Variants in BDP1 observed in about 807,000 individuals in gnomAD.
BDP1 encodes the protein transcription factor TFIIIB component B'' homolog.
BDP1 carries 169 observed loss-of-function variants against 266.6 expected under a neutral mutation model. The observed-to-expected ratio is 0.63, with a 90% CI of 0.56 to 0.72. The LOEUF is 0.72. BDP1 is among the 30% of genes least tolerant of loss of function. The pLI is 0.00. For synonymous variants in BDP1, 1,090 were observed against 1,022.4 expected, an observed-to-expected ratio of 1.07 and a Z score of -1.26; for missense variants, 3,015 against 3,053.8, an observed-to-expected ratio of 0.99 and a Z score of 0.30.
At chr5:71,549,881 A>G (rs1580199995) in intron 34 of BDP1, among the ~76,000 whole-genome samples, 1 of 152,276 alleles carries the variant, frequency 6.6e-6, no homozygotes, top group African/African-American at 2.4e-5. Context: ...ATAAAATGAT[A>G]CCTGTTAAAA....
intron 8 of BDP1, 143 bp from the exon 9 acceptor site, chr5:71,486,341 G>C (rs1763259439): frequency 1.7e-6 from 1 of 595,720 alleles, no homozygotes; most frequent in African/African-American, 2.0e-5. Context: ...TTCTGTTGCT[G>C]AGTGGTGTTC....
At position 71,553,283 on chromosome 5, in the gene BDP1, T is replaced by A; in HGVS notation, c.7163T>A (p.Leu2388His). 6.2e-7 allele frequency: 1 copy of A among 1,613,130 alleles called. No individual in the cohort carries two copies. ...DHIPPAKKRS[L>H]TLRDDCQEYT... ...ATTCCTCCTGCCAAAAAACGTTCAC[T>A]CACTTTAAGAGATGACTGTCAAGAA... Residue 2388 changes from leucine to histidine, a missense_variant, in exon 35 of 39, where the codon CTC becomes CAC. Leu to His is a moderately conservative substitution (Grantham distance 99). Coordinates refer to ENST00000358731, the MANE Select transcript of BDP1 (RefSeq NM_018429.3).
Position 71,509,465 on chromosome 5 carries a change from C to G in BDP1, c.2373C>G (p.Ser791Arg). Residue 791 changes from serine to arginine, a missense_variant and splice_region_variant, in exon 17 of 39, where the codon AGC becomes AGG. Transcript: ENST00000358731. The part of the protein sequence containing the change: ...DEPKVLNECL[S>R]VQENNKANKL... ...TGTGTGCCCCCTTTTTTTTTTATAGCGTTCAAGAGAATAATAAGGCAAATA... is the reference window on the plus strand; with the variant it reads ...TGTGTGCCCCCTTTTTTTTTTATAGGGTTCAAGAGAATAATAAGGCAAATA... 1.9e-6 allele frequency: 3 copies of G among 1,547,076 alleles called. No individual in the cohort carries two copies. Among genetic ancestry groups the G allele is most frequent in the Non-Finnish European group, 2.6e-6 (3 of 1,155,178 alleles).
chr5:71,511,228 T>C, intron 17 of BDP1, 77 bp downstream of exon 17: 1 of 1,407,950 alleles, frequency 7.1e-7, no homozygotes, highest in Non-Finnish European at 9.7e-7. Flanking sequence ...GATTATTTTG[T>C]CCTTAAGTCC....
intron 25 of BDP1, among the ~76,000 whole-genome samples, chr5:71,526,713 G>T (rs867656270): frequency 6.8e-6 from 1 of 146,824 alleles, no homozygotes; most frequent in East Asian, 2.0e-4. Flanking sequence ...TTAAAGACGG[G>T]GTCTCAGTCT....
In BDP1 at chr5:71,458,552, CTCTTTTT is replaced by C; in HGVS notation, c.213-18_213-12del. 6.5e-7 allele frequency: 1 copy of C among 1,538,492 alleles called. No homozygotes were observed. Among genetic ancestry groups the C allele is most frequent in the Non-Finnish European group, 8.8e-7 (1 of 1,142,492 alleles). On this transcript the variant is annotated intron_variant, in intron 1 of 38. Transcript: ENST00000358731. ...ATGTGTAACAGAAGATTCATGTGCC[CTCTTTTT>C]TCTTTTTTAATTTCAACAGTACTGA...
chr5:71,562,715 T>C, intron 38 of BDP1, 195 bp downstream of exon 38: 2 of 1,484,164 alleles, frequency 1.3e-6, no homozygotes, highest in Non-Finnish European at 1.8e-6. Context: ...ACAGTTAGAT[T>C]AGTACAGAGC....
At chr5:71,504,963 A>T (rs1048965303) in intron 16 of BDP1, among the ~76,000 whole-genome samples, 1 of 152,170 alleles carries the variant, frequency 6.6e-6, no homozygotes, top group Non-Finnish European at 1.5e-5. Flanking sequence ...TACTCATCGT[A>T]AATTAGTACT....
chr5:71,488,758 A>T (rs1007161707), intron 9 of BDP1, among the ~76,000 whole-genome samples: 1 of 147,592 alleles, frequency 6.8e-6, no homozygotes, highest in South Asian at 2.1e-4. Context: ...CCCAGGCTGG[A>T]GTGCAATGGT....
intron 33 of BDP1, 128 bp from the exon 34 acceptor site, chr5:71,549,292 G>A: frequency 1.3e-6 from 1 of 776,820 alleles, no homozygotes; most frequent in Non-Finnish European, 2.0e-6. Context: ...TTGTTGGGGG[G>A]AGCATTTATT....
intron 13 of BDP1, among the ~76,000 whole-genome samples, chr5:71,499,025 A>G (rs1308371449): frequency 6.6e-6 from 1 of 152,166 alleles, no homozygotes; most frequent in East Asian, 1.9e-4. Flanking sequence ...ATGCCTGGCC[A>G]ATAACTTTAT....
Position 71,464,111 on chromosome 5 carries a change from C to G in BDP1, c.653C>G (p.Thr218Arg). The G allele has an allele frequency of 6.4e-7, 1 of 1,565,044 alleles. No individual in the cohort carries two copies. The highest frequency in any genetic ancestry group is 8.7e-7 in the Non-Finnish European group (1 of 1,150,710). Reference sequence around the variant, plus strand: ...GAAAAGCCATCGACTCCAGTCCAGACAAGAGAGTAAGTATTTTATTTTTGA... The same window carrying G: ...GAAAAGCCATCGACTCCAGTCCAGAGAAGAGAGTAAGTATTTTATTTTTGA... Reference protein sequence around the residue: ...KTEKPSTPVQTREQEGKSTPN... With the variant: ...KTEKPSTPVQRREQEGKSTPN... The change falls in exon 4 of 39, where the codon ACA becomes AGA. Residue 218 changes from threonine (T) to arginine (R), a missense_variant. Physicochemically the swap from Thr to Arg is moderately conservative, Grantham distance 71. This residue lies in a region of BDP1 where 2,383 missense variants were observed against 2,404.9 expected (regional missense o/e 0.99). Coordinates refer to ENST00000358731, the MANE Select transcript of BDP1 (RefSeq NM_018429.3).
At chr5:71,578,100 A>C in the BDP1 span, among the ~76,000 whole-genome samples, 2 of 152,134 alleles carry the variant, frequency 1.3e-5, no homozygotes, top group Non-Finnish European at 2.9e-5. Context: ...GAGGTTATCT[A>C]CTGGGACATC....
Position 71,474,574 on chromosome 5 carries a change from G to A in BDP1, c.1014+4085G>A, listed in dbSNP as rs182049192. The stretch of plus-strand genomic sequence containing the variant: ...CTCTGACTCCTGAGGTTGGCCAGGC[G>A]TGGTGACTCACGCCTGTAATCCTAG... On this transcript the variant is annotated intron_variant, in intron 7 of 38. Coordinates refer to ENST00000358731, the MANE Select transcript of BDP1 (RefSeq NM_018429.3). 1.5e-3 allele frequency among the ~76,000 whole-genome samples: 221 copies of A among 151,984 alleles called. 1 individual carries two copies. Among genetic ancestry groups the A allele is most frequent in the Admixed American group, 6.3e-3 (96 of 15,258 alleles).
At chr5:71,470,886 CA>C (rs1180045163) in intron 7 of BDP1, among the ~76,000 whole-genome samples, 18 of 150,522 alleles carry the variant, frequency 1.2e-4, no homozygotes. Flanking sequence ...CCACCGTGCC[CA>C]GCCCTTTTTT....
chr5:71,577,191 G>A, the BDP1 span, among the ~76,000 whole-genome samples: 1 of 152,176 alleles, frequency 6.6e-6, no homozygotes, highest in Non-Finnish European at 1.5e-5. Flanking sequence ...TCTGAGCCAT[G>A]GGCTGCCACA....
intron 31 of BDP1, 40 bp from the exon 32 acceptor site, chr5:71,544,999 G>T (rs1265109028): frequency 2.5e-6 from 4 of 1,584,126 alleles, no homozygotes; most frequent in Non-Finnish European, 1.7e-6. Context: ...TCCATGATTT[G>T]CCTGATTTCA....
intron 21 of BDP1, 130 bp from the exon 22 acceptor site, chr5:71,517,192 T>G: frequency 1.2e-6 from 1 of 811,566 alleles, no homozygotes; most frequent in Admixed American, 3.5e-5. Context: ...TGAGACTATC[T>G]CAAAATGCAT....
intron 25 of BDP1, 50 bp downstream of exon 25, chr5:71,524,373 C>T: frequency 6.7e-7 from 1 of 1,496,754 alleles, no homozygotes; most frequent in South Asian, 1.3e-5. Context: ...TGGTTTTCAC[C>T]TCTTGTTTCT....
Sources: allele counts gnomAD v4.1 joint callset (sites outside exome capture counted in the v4.1 genomes callset), GRCh38; gene constraint gnomAD v4.1.1; regional missense constraint gnomAD v4.1.1; transcripts MANE v1.5; gene names NCBI Gene and HGNC (gene_info 2026-07-23, HGNC 2026-07-21).